Variants in RYR1 observed in about 807,000 individuals in gnomAD.
RYR1 encodes the protein ryanodine receptor 1, also known as central core disease of muscle.
Under a neutral mutation model 583.5 loss-of-function variants are expected in RYR1, and 342 were observed. The observed-to-expected ratio is 0.59, with a 90% CI of 0.54 to 0.64. The LOEUF (loss-of-function observed/expected upper bound fraction) is 0.64. Ranked by LOEUF, RYR1 falls within the 30% of genes least tolerant of loss-of-function variation. The pLI is 0.00. For synonymous variants in RYR1, 2,791 were observed against 2,822.5 expected, an observed-to-expected ratio of 0.99 and a Z score of 0.35; for missense variants, 6,032 against 6,917.2, an observed-to-expected ratio of 0.87 and a Z score of 4.54.
intron 56 of RYR1, 21 bp from the exon 57 acceptor site, chr19:38,506,808 T>G (rs1319411153): frequency 1.2e-6 from 2 of 1,613,988 alleles, no homozygotes; most frequent in East Asian, 4.5e-5. Flanking sequence ...GAGCCCTGAT[T>G]TCTGGTCTTT....
chr19:38,567,106 A>G lies in RYR1; in HGVS notation c.13514+119A>G, dbSNP rs534987858. 65 of 1,501,538 alleles carry G rather than the reference A, an allele frequency of 4.3e-5. No individual in the cohort carries two copies. The South Asian group carries it at 7.3e-4, about 17-fold the overall frequency. 93.0% of individuals were successfully genotyped at this position (1,501,538 alleles called of 1,614,324 possible). A position where few individuals can be genotyped will look rare whatever the true frequency, so the allele number is the denominator to read the frequency against. ...CCACCCTGTGTCCTCGGCATCACCC[A>G]GCCCAGACTCAGGCACGGAGGAGGG... On this transcript the variant is annotated intron_variant, in intron 92 of 105. Coordinates refer to ENST00000359596, the MANE Select transcript of RYR1 (RefSeq NM_000540.3).
chr19:38,527,490 A>C, intron 72 of RYR1, 157 bp from the exon 73 acceptor site: 2 of 943,046 alleles, frequency 2.1e-6, no homozygotes, highest in East Asian at 5.3e-5. Flanking sequence ...AGCCTGGGTG[A>C]TGGGGCGAGG....
chr19:38,516,612 T>G (rs956733816), intron 65 of RYR1, among the ~76,000 whole-genome samples: 1 of 152,028 alleles, frequency 6.6e-6, no homozygotes, highest in African/African-American at 2.4e-5. Flanking sequence ...AATTTGGAGC[T>G]ATGGAATTTA....
rs142340057 is a variant in RYR1, at chr19:38,525,460, C to T, written c.10584C>T (p.Thr3528=). 2.4e-5 allele frequency: 38 copies of T among 1,613,978 alleles called. No individual in the cohort carries two copies. The highest frequency in any genetic ancestry group is 1.1e-4 in the African/African-American group (8 of 74,968). The change falls in exon 71 of 106, where the codon ACC becomes ACT. Residue 3528 remains threonine, a synonymous_variant. Transcript: ENST00000359596. ...LPIGLNMCAP[T]DQDLITLAKT... is the part of the protein sequence containing the mutation. ...TCGGCCTGAATATGTGTGCGCCCAC[C>T]GACCAAGACCTCATCACGCTGGCCA...
chr19:38,463,846 C>T lies in RYR1; in HGVS notation c.2782C>T (p.Leu928Phe), dbSNP rs1967927668. Residue 928 changes from leucine to phenylalanine, a missense_variant, in exon 22 of 106, where the codon CTC becomes TTC. Leu to Phe is a conservative substitution (Grantham distance 22, BLOSUM62 0). This residue lies in a region of RYR1 where 2,627 missense variants were observed against 2,961.3 expected (regional missense o/e 0.89). Coordinates refer to ENST00000359596, the MANE Select transcript of RYR1 (RefSeq NM_000540.3). Reference protein sequence around the residue: ...NYNLQMSGETLKTLLALGCHV... With the variant: ...NYNLQMSGETFKTLLALGCHV... ...CAACCTGCAGATGTCTGGGGAGACG[C>T]TCAAGTGAGGGCCCAGGGGAGCCGG... The T allele has an allele frequency of 1.2e-6, 2 of 1,613,318 alleles. No homozygotes were observed. The highest frequency in any genetic ancestry group is 1.7e-5 in the Admixed American group (1 of 59,976).
intron 27 of RYR1, among the ~76,000 whole-genome samples, chr19:38,471,899 CAAAAAAAA>C (rs35479919): frequency 3.3e-5 from 2 of 60,000 alleles, no homozygotes; most frequent in South Asian, 6.3e-4. Flanking sequence ...GACTCTGTCT[CAAAAAAAA>C]AAAAAAAAAA....
At position 38,464,626 on chromosome 19, in the gene RYR1, C is replaced by A; in HGVS notation, c.2787-13C>A. On this transcript the variant is annotated splice_polypyrimidine_tract_variant and intron_variant, in intron 22 of 105. Transcript: ENST00000359596. ...AGGGGCGTGACCTGTCGCCTCCACTCCCCCACCCCCAGGACTCTGCTGGCT... is the reference window on the plus strand; with the variant it reads ...AGGGGCGTGACCTGTCGCCTCCACTACCCCACCCCCAGGACTCTGCTGGCT... 1.4e-5 allele frequency: 22 copies of A among 1,568,986 alleles called. No homozygotes were observed. The highest frequency in any genetic ancestry group is 2.3e-5 in the East Asian group (1 of 42,738).
chr19:38,496,608 C>T lies in RYR1; in HGVS notation c.6796+67C>T, dbSNP rs1400074337. ...TCCTGGCACCCCGTCCAGGCCTGCC[C>T]CACTTTCCACCAGCTCACTCATTCA... is the stretch of plus-strand genomic sequence containing the variant. On this transcript the variant is annotated intron_variant, in intron 41 of 105. Coordinates refer to ENST00000359596, the MANE Select transcript of RYR1 (RefSeq NM_000540.3). The surrounding 1 kb of genome is among the most constrained non-coding windows in gnomAD (Gnocchi z 4.8). The T allele has an allele frequency of 3.8e-6, 6 of 1,576,544 alleles. No homozygotes were observed. The highest frequency in any genetic ancestry group is 1.3e-5 in the African/African-American group (1 of 74,194).
intron 1 of RYR1, among the ~76,000 whole-genome samples, chr19:38,440,435 A>C (rs1972617704): frequency 6.6e-6 from 1 of 152,186 alleles, no homozygotes; most frequent in African/African-American, 2.4e-5. Context: ...GCTATTTGGG[A>C]GGCTGAGGCA....
Position 38,455,656 on chromosome 19 carries a change from G to A in RYR1, c.1696G>A (p.Val566Ile). The A allele has an allele frequency of 6.2e-7, 1 of 1,613,850 alleles. No homozygotes were observed. Among genetic ancestry groups the A allele is most frequent in the Non-Finnish European group, 8.5e-7 (1 of 1,179,790 alleles). ...SSGILEVLYC[V>I]LIESPEVLNI... ...AGGCATCCTGGAGGTCCTGTACTGT[G>A]TCCTCATTGAGAGTCCAGAGGTTCT... Residue 566 changes from valine to isoleucine, a missense_variant, in exon 16 of 106, where the codon GTC becomes ATC. Physicochemically the swap from Val to Ile is conservative, Grantham distance 29 (BLOSUM62 3). This residue lies in a region of RYR1 where 2,627 missense variants were observed against 2,961.3 expected (regional missense o/e 0.89). Transcript: ENST00000359596.
At chr19:38,568,000 C>G in intron 93 of RYR1, 83 bp downstream of exon 93, 1 of 1,499,926 alleles carries the variant, frequency 6.7e-7, no homozygotes, top group African/African-American at 1.4e-5. Context: ...TCACCTTGTT[C>G]TTGAGTTCAT....
intron 81 of RYR1, chr19:38,535,733 C>T (rs546160197): frequency 7.6e-5 from 45 of 594,122 alleles, no homozygotes; most frequent in South Asian, 2.6e-4. Flanking sequence ...CTCTTGCTGC[C>T]GGCTGATTTT....
chr19:38,548,929 G>A (rs983147962), intron 89 of RYR1, among the ~76,000 whole-genome samples: 5 of 152,146 alleles, frequency 3.3e-5, no homozygotes, highest in African/African-American at 7.2e-5. Flanking sequence ...GATGAGAACC[G>A]TTATTACTGT....
At position 38,473,850 on chromosome 19, in the gene RYR1, A is replaced by C. The variant is rs114989580; in HGVS notation, c.4160+79A>C. The C allele has an allele frequency of 4.4e-3, 4,836 of 1,088,014 alleles. 149 individuals are homozygous for C. The African/African-American group carries it at 0.066, about 15-fold the overall frequency. The allele number at this position is 1,088,014 out of a possible 1,614,324, so 67.4% of individuals were successfully genotyped here. The stretch of plus-strand genomic sequence containing the variant: ...GTAGGCAACCACAGTAACCTGAGAA[A>C]CCCCCATTGTACCCCAAAGTAGACC... On this transcript the variant is annotated intron_variant, in intron 28 of 105. Coordinates refer to ENST00000359596, the MANE Select transcript of RYR1 (RefSeq NM_000540.3).
At chr19:38,586,329 G>A in intron 104 of RYR1, 138 bp downstream of exon 104, 1 of 1,118,090 alleles carries the variant, frequency 8.9e-7, no homozygotes, top group Non-Finnish European at 1.3e-6. Context: ...CAATCAGAAG[G>A]TAAGGGTGGG....
chr19:38,448,315 G>A (rs1966894113), intron 9 of RYR1, 40 bp from the exon 10 acceptor site: 2 of 1,591,886 alleles, frequency 1.3e-6, no homozygotes, highest in African/African-American at 1.3e-5. Context: ...TGGGAGAACT[G>A]GGGGGTCCTC....
intron 93 of RYR1, among the ~76,000 whole-genome samples, chr19:38,568,724 C>T (rs552102143): frequency 1.5e-5 from 2 of 135,220 alleles, no homozygotes; most frequent in African/African-American, 2.8e-5. Flanking sequence ...TGCACTCCAG[C>T]CTGGGCGACA....
chr19:38,529,033 G>A lies in RYR1; in HGVS notation c.11117G>A (p.Ser3706Asn). The A allele has an allele frequency of 1.9e-6, 3 of 1,613,946 alleles. No homozygotes were observed. The highest frequency in any genetic ancestry group is 2.5e-6 in the Non-Finnish European group (3 of 1,180,012). ...DPLHQLVLHF[S>N]RTALTEKSKL... Reference sequence around the variant, plus strand: ...CTGCACCAGTTGGTCCTGCACTTCAGCCGCACTGCCCTGACGGAAAAGAGG... The same window carrying A: ...CTGCACCAGTTGGTCCTGCACTTCAACCGCACTGCCCTGACGGAAAAGAGG... The change falls in exon 76 of 106, where the codon AGC becomes AAC. Residue 3706 changes from serine (S) to asparagine (N), a missense_variant. Physicochemically the swap from Ser to Asn is conservative, Grantham distance 46 (BLOSUM62 1). This residue lies in a region of RYR1 where 1,493 missense variants were observed against 1,715.5 expected (regional missense o/e 0.87). Transcript: ENST00000359596.
chr19:38,557,122 C>T (rs990240067), intron 89 of RYR1, among the ~76,000 whole-genome samples: 3 of 134,604 alleles, frequency 2.2e-5, no homozygotes, highest in Non-Finnish European at 3.1e-5. Flanking sequence ...GGCATGCTCT[C>T]GGCTCACTGC....
Sources: gnomAD v4.1 joint callset for allele counts (sites outside exome capture counted in the v4.1 genomes callset) on GRCh38, gnomAD v4.1.1 for gene constraint, gnomAD v4.1.1 regional missense constraint, Gnocchi (gnomAD v3.1) non-coding constraint, MANE v1.5 for transcripts, NCBI Gene and HGNC (gene_info 2026-07-23, HGNC 2026-07-21) for gene names.